TMEM131: variants seen among roughly 807,000 people sequenced by gnomAD.
The protein encoded by TMEM131 is transmembrane protein 131.
In TMEM131, 66 loss-of-function variants were observed where a neutral mutation model predicts 211.6. The observed-to-expected ratio is 0.31, with a 90% CI of 0.26 to 0.38. TMEM131 has a LOEUF of 0.38. Ranked by LOEUF, TMEM131 falls within the 10% of genes least tolerant of loss-of-function variation. TMEM131 has a pLI of 1.00. For synonymous variants in TMEM131, 844 were observed against 841.3 expected (o/e 1.00, Z -0.06); for missense variants, 2,036 against 2,299.3 (o/e 0.89, Z 2.34).
At chr2:97,857,252 C>T (rs1359545790) in intron 5 of TMEM131, among the ~76,000 whole-genome samples, 1 of 152,114 alleles carries the variant, frequency 6.6e-6, no homozygotes, top group Non-Finnish European at 1.5e-5. Context: ...GCTTAGACTC[C>T]CAACATGGTA....
rs1559450353 is a variant in TMEM131, at chr2:97,923,627, T to TAAAAA, written c.249+3798_249+3799insTTTTT. On this transcript the variant is annotated intron_variant, in intron 2 of 40. Transcript: ENST00000186436. ...ACAGAGCAAGACACTGTCTTTTTTT[T>TAAAAA]TAAAAAAAAAAAAAAAAAAAAAAAA... is the stretch of plus-strand genomic sequence containing the variant. Among the ~76,000 whole-genome samples, 17 of 99,680 alleles carry TAAAAA rather than the reference T, an allele frequency of 1.7e-4. No homozygotes were observed. In the East Asian group the frequency reaches 3.1e-3, roughly 18 times the overall value. The allele number at this position is 99,680 out of a possible 152,430, so 65.4% of individuals were successfully genotyped here.
chr2:97,792,569 G>A lies in TMEM131; in HGVS notation c.3961C>T (p.Leu1321=). The A allele has an allele frequency of 3.7e-6, 6 of 1,613,364 alleles. No individual in the cohort carries two copies. Among genetic ancestry groups the A allele is most frequent in the Non-Finnish European group, 5.1e-6 (6 of 1,179,664 alleles). ...PQPQEPQPER[L]SPAPLAHPSH... is the part of the protein sequence containing the mutation. ...GGGTGTGCGAGGGGGGCGGGAGACAGCCTTTCAGGCTGCGGCTCCTGGGGC... is the reference window on the plus strand; with the variant it reads ...GGGTGTGCGAGGGGGGCGGGAGACAACCTTTCAGGCTGCGGCTCCTGGGGC... The change falls in exon 31 of 41, where the codon CTG becomes TTG. Residue 1321 remains leucine, a synonymous_variant. Transcript: ENST00000186436.
intron 5 of TMEM131, among the ~76,000 whole-genome samples, chr2:97,857,088 A>C (rs1366158768): frequency 6.6e-6 from 1 of 152,226 alleles, no homozygotes; most frequent in African/African-American, 2.4e-5. Flanking sequence ...GGGAGAGTCT[A>C]GTTCAGAAAC....
intron 4 of TMEM131, among the ~76,000 whole-genome samples, chr2:97,887,209 C>T (rs547055617): frequency 6.6e-6 from 1 of 152,260 alleles, no homozygotes; most frequent in Non-Finnish European, 1.5e-5. Flanking sequence ...CTGCCAGGGG[C>T]AGCCTATACA....
At chr2:97,946,960 C>A (rs544479763) in intron 1 of TMEM131, among the ~76,000 whole-genome samples, 12 of 151,168 alleles carry the variant, frequency 7.9e-5, no homozygotes, top group Admixed American at 7.9e-4. Context: ...ACTTAAAAAA[C>A]AAAATTAATC....
chr2:97,950,191 G>A (rs1196499151), intron 1 of TMEM131, among the ~76,000 whole-genome samples: 1 of 152,084 alleles, frequency 6.6e-6, no homozygotes, highest in Non-Finnish European at 1.5e-5. Context: ...CTTCATTAAA[G>A]CAGTGAATGG....
intron 1 of TMEM131, among the ~76,000 whole-genome samples, chr2:97,964,789 CTA>C (rs1422119409): frequency 6.6e-6 from 1 of 152,184 alleles, no homozygotes. Flanking sequence ...AGATACTAAT[CTA>C]TAAAACAGAA....
intron 11 of TMEM131, among the ~76,000 whole-genome samples, chr2:97,820,384 T>C (rs1573410687): frequency 6.6e-6 from 1 of 152,234 alleles, no homozygotes; most frequent in African/African-American, 2.4e-5. Flanking sequence ...CTGGGAAAAG[T>C]TCCATTTGGT....
rs925992375 is a variant in TMEM131 at position 97,859,327 on chromosome 2, G to T, written c.460C>A (p.His154Asn). ...ACCCTATTTTGAAAAAATGATGCAT[G>T]AAAATGTGATGTTGTAGCAGATATT... ...VSISATTSHF[H>N]ASFFQNRKIL... Residue 154 changes from histidine to asparagine, a missense_variant, in exon 5 of 41, where the codon CAT (histidine) becomes AAT (asparagine). Around this residue, in one of 3 missense-constraint regions of TMEM131, gnomAD observed 277 missense variants for 378.0 expected, o/e 0.73. Transcript: ENST00000186436. 2.5e-6 allele frequency: 4 copies of T among 1,598,174 alleles called. No individual in the cohort carries two copies. The highest frequency in any genetic ancestry group is 2.6e-6 in the Non-Finnish European group (3 of 1,175,492).
At chr2:97,988,061 T>C (rs1480563359) in intron 1 of TMEM131, among the ~76,000 whole-genome samples, 1 of 152,106 alleles carries the variant, frequency 6.6e-6, no homozygotes, top group Non-Finnish European at 1.5e-5. Context: ...CAAAACATAT[T>C]ACAAAGCTAT....
chr2:97,782,655 G>C (rs972796739), intron 31 of TMEM131, among the ~76,000 whole-genome samples: 2 of 151,918 alleles, frequency 1.3e-5, no homozygotes, highest in African/African-American at 2.4e-5. Context: ...AGCTAAAGAA[G>C]AACAAAATGG....
At chr2:97,974,217 G>C (rs1048271033) in intron 1 of TMEM131, among the ~76,000 whole-genome samples, 1 of 152,106 alleles carries the variant, frequency 6.6e-6, no homozygotes, top group East Asian at 1.9e-4. Flanking sequence ...GTGATGGATG[G>C]GATTAAGGGT....
chr2:97,960,601 T>C (rs1037880850), intron 1 of TMEM131, among the ~76,000 whole-genome samples: 1 of 152,110 alleles, frequency 6.6e-6, no homozygotes, highest in African/African-American at 2.4e-5. Context: ...TTCTAACAAA[T>C]GATGCTAAAA....
At chr2:97,838,564 C>T (rs1031332146) in intron 7 of TMEM131, among the ~76,000 whole-genome samples, 13 of 150,960 alleles carry the variant, frequency 8.6e-5, no homozygotes, top group African/African-American at 3.2e-4. Context: ...CCTGCCTCAG[C>T]CTCCTGAGTA....
intron 12 of TMEM131, 69 bp downstream of exon 12, chr2:97,818,544 T>C (rs1331679300): frequency 1.9e-6 from 2 of 1,030,334 alleles, no homozygotes. Context: ...TATTAAGACG[T>C]TAATACAGAT....
In TMEM131 at chr2:97,812,696, C is replaced by G; in HGVS notation, c.1671G>C (p.Leu557=). The change falls in exon 16 of 41, where the codon CTG becomes CTC. Residue 557 remains leucine, a synonymous_variant. Transcript: ENST00000186436. ...IEERFIDFGV[L]SATEASNILF... ...AAATATTACTTGCTTCTGTAGCACT[C>G]AGTACTCCAAAATCTATGAAACGTT... The G allele has an allele frequency of 6.2e-7, 1 of 1,600,100 alleles. No homozygotes were observed.
intron 31 of TMEM131, among the ~76,000 whole-genome samples, chr2:97,778,246 G>A (rs1016948279): frequency 6.6e-6 from 1 of 152,172 alleles, no homozygotes; most frequent in African/African-American, 2.4e-5. Context: ...CATAACAATA[G>A]TTAAGTTGAA....
intron 3 of TMEM131, among the ~76,000 whole-genome samples, chr2:97,890,088 G>C (rs1675318770): frequency 6.6e-6 from 1 of 152,206 alleles, no homozygotes; most frequent in Non-Finnish European, 1.5e-5. Context: ...TGTGCAGTGA[G>C]GGAGGAGTAG....
At chr2:97,886,878 T>G (rs935269597) in intron 4 of TMEM131, among the ~76,000 whole-genome samples, 2 of 152,232 alleles carry the variant, frequency 1.3e-5, no homozygotes, top group Non-Finnish European at 2.9e-5. Flanking sequence ...AACTTTCTTT[T>G]GACTCAGCAA....
Sources: gnomAD v4.1 joint callset for allele counts (sites outside exome capture counted in the v4.1 genomes callset) on GRCh38, gnomAD v4.1.1 for gene constraint, gnomAD v4.1.1 regional missense constraint, MANE v1.5 for transcripts, NCBI Gene and HGNC (gene_info 2026-07-23, HGNC 2026-07-21) for gene names.